The following DAPK1 variants were observed in gnomAD, a reference collection of about 807,000 sequenced individuals.
DAPK1 encodes the protein death-associated protein kinase 1.
In DAPK1, 56 loss-of-function variants were observed where a neutral mutation model predicts 144.9. The observed-to-expected ratio is 0.39, with a 90% CI of 0.31 to 0.48. DAPK1 has a LOEUF of 0.48. DAPK1 is among the 20% of genes least tolerant of loss of function. The probability of loss-of-function intolerance (pLI) is 0.95; values close to 1 mark genes in which losing one functional copy is unlikely to be tolerated. For missense variants in DAPK1, 1,454 were observed against 1,875.4 expected (o/e 0.78, Z 4.15); for synonymous variants, 690 against 749.0 (o/e 0.92, Z 1.29).
At chr9:87,680,801 A>G (rs942188371) in intron 19 of DAPK1, among the ~76,000 whole-genome samples, 7 of 152,192 alleles carry the variant, frequency 4.6e-5, no homozygotes, top group African/African-American at 1.7e-4. Context: ...AATGAATGGC[A>G]AGTGACTGCT....
intron 2 of DAPK1, among the ~76,000 whole-genome samples, chr9:87,512,628 T>C (rs969944316): frequency 6.6e-6 from 1 of 152,148 alleles, no homozygotes; most frequent in Non-Finnish European, 1.5e-5. Context: ...TCAAGAAACA[T>C]GGCTGCTGTG....
intron 18 of DAPK1, among the ~76,000 whole-genome samples, chr9:87,668,296 A>G (rs1478694184): frequency 6.6e-6 from 1 of 152,182 alleles, no homozygotes; most frequent in Non-Finnish European, 1.5e-5. Flanking sequence ...ACAGGGAGGA[A>G]CCAGCCAGCT....
chr9:87,687,565 G>T (rs1188247229), intron 21 of DAPK1, among the ~76,000 whole-genome samples: 1 of 151,978 alleles, frequency 6.6e-6, no homozygotes, highest in Non-Finnish European at 1.5e-5. Flanking sequence ...GGTCAATTCC[G>T]TATCTTTGCT....
chr9:87,635,583 C>G (rs1179349484), intron 3 of DAPK1, among the ~76,000 whole-genome samples: 4 of 152,080 alleles, frequency 2.6e-5, no homozygotes, highest in African/African-American at 9.7e-5. Flanking sequence ...CATATTGGAT[C>G]CTGTAGGAAG....
At chr9:87,537,189 T>C (rs1454955303) in intron 2 of DAPK1, among the ~76,000 whole-genome samples, 2 of 152,182 alleles carry the variant, frequency 1.3e-5, no homozygotes, top group Non-Finnish European at 2.9e-5. Context: ...GGTTTCACTA[T>C]GTTGGCCAGG....
intron 19 of DAPK1, among the ~76,000 whole-genome samples, chr9:87,672,487 C>T (rs1824208624): frequency 6.6e-6 from 1 of 152,186 alleles, no homozygotes; most frequent in African/African-American, 2.4e-5. Flanking sequence ...GTCCTTTCCA[C>T]ACTGGCTGCT....
Position 87,640,844 on chromosome 9 carries a change from C to T in DAPK1, c.825C>T (p.Ile275=). 1 of 1,614,052 alleles carries T rather than the reference C, an allele frequency of 6.2e-7. No homozygotes were observed. Among genetic ancestry groups the T allele is most frequent in the Non-Finnish European group, 8.5e-7 (1 of 1,179,916 alleles). ...AAGATAGTTTGCAGCATCCCTGGATCAAGGTGAGTTGCATATTACGAAACT... is the reference window on the plus strand; with the variant it reads ...AAGATAGTTTGCAGCATCCCTGGATTAAGGTGAGTTGCATATTACGAAACT... ...TIQDSLQHPW[I]KPKDTQQALS... is the part of the protein sequence containing the mutation. Residue 275 remains isoleucine (I), a synonymous_variant, in exon 9 of 26, where the codon ATC becomes ATT. Coordinates refer to ENST00000408954, the MANE Select transcript of DAPK1 (RefSeq NM_004938.4).
In DAPK1 at chr9:87,640,359, G is replaced by T. The variant is rs769648565; in HGVS notation, c.691G>T (p.Ala231Ser). 3 of 1,614,136 alleles carry T rather than the reference G, an allele frequency of 1.9e-6. No homozygotes were observed. The highest frequency in any genetic ancestry group is 1.1e-5 in the South Asian group (1 of 91,084). The change falls in exon 8 of 26, where the codon GCT becomes TCT. Residue 231 changes from alanine (A) to serine (S), a missense_variant. Coordinates refer to ENST00000408954, the MANE Select transcript of DAPK1 (RefSeq NM_004938.4). ...TKQETLANVS[A>S]VNYEFEDEYF... is the part of the protein sequence containing the mutation. ...GCAAGAAACGTTAGCAAATGTATCC[G>T]CTGTCAACTACGAATTTGAGGATGA...
Position 87,640,338 on chromosome 9 carries a change from G to C in DAPK1, c.670G>C (p.Glu224Gln). ...CCCATTTCTTGGAGACACTAAGCAAGAAACGTTAGCAAATGTATCCGCTGT... is the reference window on the plus strand; with the variant it reads ...CCCATTTCTTGGAGACACTAAGCAACAAACGTTAGCAAATGTATCCGCTGT... ...ASPFLGDTKQ[E>Q]TLANVSAVNY... Residue 224 changes from glutamate to glutamine, a missense_variant, in exon 8 of 26, where the codon GAA (glutamate) becomes CAA (glutamine). This residue lies in a region of DAPK1 where 429 missense variants were observed against 637.5 expected (regional missense o/e 0.67). Transcript: ENST00000408954. The C allele has an allele frequency of 6.2e-7, 1 of 1,614,208 alleles. No homozygotes were observed. Among genetic ancestry groups the C allele is most frequent in the Non-Finnish European group, 8.5e-7 (1 of 1,180,030 alleles).
At chr9:87,577,641 T>C (rs1398529742) in intron 2 of DAPK1, among the ~76,000 whole-genome samples, 8 of 152,046 alleles carry the variant, frequency 5.3e-5, no homozygotes, top group Non-Finnish European at 1.0e-4. Flanking sequence ...CTACTAAAAA[T>C]ACAAAAGTTA....
chr9:87,569,048 G>GT (rs35121801), intron 2 of DAPK1, among the ~76,000 whole-genome samples: 42,086 of 151,978 alleles, frequency 0.28, 6,245 homozygotes, highest in East Asian at 0.49. Flanking sequence ...GGTCACGTGT[G>GT]TTTTTTTAAT....
At chr9:87,510,824 ATTT>A (rs33971522) in intron 2 of DAPK1, among the ~76,000 whole-genome samples, 29,762 of 152,092 alleles carry the variant, frequency 0.2, 3,239 homozygotes, top group East Asian at 0.42. Context: ...CTTCTGTGAG[ATTT>A]AGTTTTTCTC....
chr9:87,700,056 C>G, intron 23 of DAPK1, 61 bp from the exon 24 acceptor site: 1 of 1,472,976 alleles, frequency 6.8e-7, no homozygotes, highest in Non-Finnish European at 9.5e-7. Context: ...AGCCTGGCCC[C>G]TCCATTAAAA....
chr9:87,650,909 G>A lies in DAPK1; in HGVS notation c.1627-618G>A, dbSNP rs181559604. 4.8e-4 allele frequency among the ~76,000 whole-genome samples: 73 copies of A among 152,290 alleles called. No individual in the cohort carries two copies. The East Asian group carries it at 0.011, about 22-fold the overall frequency. ...AGCTCCAAATGCCAATAGCGCTGAGGCTGAGAAACCCTAGCACAGTAGGTT... is the reference window on the plus strand; with the variant it reads ...AGCTCCAAATGCCAATAGCGCTGAGACTGAGAAACCCTAGCACAGTAGGTT... On this transcript the variant is annotated intron_variant, in intron 16 of 25. Transcript: ENST00000408954.
intron 2 of DAPK1, among the ~76,000 whole-genome samples, chr9:87,547,133 G>C (rs895779923): frequency 6.6e-6 from 1 of 152,076 alleles, no homozygotes; most frequent in African/African-American, 2.4e-5. Flanking sequence ...CCCCAGCCTG[G>C]GTGACAGAGC....
intron 2 of DAPK1, among the ~76,000 whole-genome samples, chr9:87,596,413 G>A (rs36206211): frequency 1.3e-5 from 2 of 152,338 alleles, no homozygotes; most frequent in East Asian, 3.9e-4. Context: ...TTGGAGGCCA[G>A]CAATAAGCCC....
chr9:87,570,555 CCT>C (rs991502147), intron 2 of DAPK1, among the ~76,000 whole-genome samples: 15 of 152,154 alleles, frequency 9.9e-5, no homozygotes, highest in Admixed American at 5.2e-4. Context: ...GCCAGTTGTA[CCT>C]CTCGTAAATA....
intron 2 of DAPK1, among the ~76,000 whole-genome samples, chr9:87,518,772 A>G (rs1490567973): frequency 1.3e-5 from 2 of 152,160 alleles, no homozygotes; most frequent in Admixed American, 6.5e-5. Context: ...CTACACAGCT[A>G]TGTGGGTATC....
chr9:87,512,180 C>T lies in DAPK1; in HGVS notation c.62+13041C>T, dbSNP rs368650135. 2.0e-5 allele frequency among the ~76,000 whole-genome samples: 3 copies of T among 152,344 alleles called. No homozygotes were observed. In the East Asian group the frequency reaches 5.8e-4, roughly 29 times the overall value. The stretch of plus-strand genomic sequence containing the variant: ...TCAAGTGATCCTCTCACCTCAGCCT[C>T]CTGCATAGCTGGGACTATAGGCATG... On this transcript the variant is annotated intron_variant, in intron 2 of 25. Coordinates refer to ENST00000408954, the MANE Select transcript of DAPK1 (RefSeq NM_004938.4).
Sources: allele counts gnomAD v4.1 joint callset (sites outside exome capture counted in the v4.1 genomes callset), GRCh38; gene constraint gnomAD v4.1.1; regional missense constraint gnomAD v4.1.1; transcripts MANE v1.5; gene names NCBI Gene and HGNC (gene_info 2026-07-23, HGNC 2026-07-21).